Variants in BCAS3 observed in about 807,000 individuals in gnomAD.
The protein encoded by BCAS3 is BCAS3 microtubule associated cell migration factor.
BCAS3 carries 53 observed loss-of-function variants against 116.1 expected under a neutral mutation model. The ratio of observed to expected loss-of-function variants is 0.46; its 90% CI spans 0.37 to 0.57. The LOEUF (loss-of-function observed/expected upper bound fraction) is 0.57, where lower values mean the gene tolerates loss of function less well. Ranked by LOEUF, BCAS3 falls within the 20% of genes least tolerant of loss-of-function variation. The probability of loss-of-function intolerance (pLI) is 0.00; values close to 1 mark genes in which losing one functional copy is unlikely to be tolerated. For synonymous variants in BCAS3, 391 were observed against 408.2 expected, an observed-to-expected ratio of 0.96 and a Z score of 0.51; for missense variants, 917 against 1,165.4, an observed-to-expected ratio of 0.79 and a Z score of 3.10.
At chr17:60,948,298 G>A (rs113523025) in intron 14 of BCAS3, among the ~76,000 whole-genome samples, 2,145 of 151,746 alleles carry the variant, frequency 0.014, 51 homozygotes, top group African/African-American at 0.05. Context: ...TAGTAGAGAC[G>A]GTGTTTCACC....
chr17:61,067,193 A>C (rs996462153), intron 19 of BCAS3, among the ~76,000 whole-genome samples: 8 of 145,978 alleles, frequency 5.5e-5, no homozygotes, highest in Admixed American at 3.5e-4. Context: ...TGTGAATTTT[A>C]TTATATAGGA....
chr17:60,837,805 C>T (rs2051504431), intron 7 of BCAS3, among the ~76,000 whole-genome samples: 1 of 151,994 alleles, frequency 6.6e-6, no homozygotes, highest in Admixed American at 6.5e-5. Context: ...GTGCGTGCCA[C>T]CATGCTTGGC....
chr17:60,831,461 G>A (rs1213458759), intron 7 of BCAS3, among the ~76,000 whole-genome samples: 1 of 152,240 alleles, frequency 6.6e-6, no homozygotes, highest in African/African-American at 2.4e-5. Flanking sequence ...ACAGGCATGA[G>A]CCACTGCACC....
At chr17:60,955,069 G>A (rs1000522663) in intron 14 of BCAS3, among the ~76,000 whole-genome samples, 2 of 151,938 alleles carry the variant, frequency 1.3e-5, no homozygotes, top group African/African-American at 4.8e-5. Context: ...TTGACTGGTT[G>A]TCTACTTGTT....
At chr17:60,726,663 T>C (rs12936743) in intron 5 of BCAS3, among the ~76,000 whole-genome samples, 147,211 of 152,132 alleles carry the variant, frequency 0.97, 71,403 homozygotes, top group East Asian at 1. Context: ...ATGCCCGCCA[T>C]CACGCCAGGC....
chr17:61,242,711 T>G (rs1382653268), intron 22 of BCAS3, among the ~76,000 whole-genome samples: 1 of 152,212 alleles, frequency 6.6e-6, no homozygotes, highest in Non-Finnish European at 1.5e-5. Flanking sequence ...TTTGCTTACA[T>G]AAGTTTATTC....
At chr17:60,698,462 A>G (rs543246961) in intron 4 of BCAS3, among the ~76,000 whole-genome samples, 1 of 152,168 alleles carries the variant, frequency 6.6e-6, no homozygotes, top group South Asian at 2.1e-4. Context: ...TGGGCAACAC[A>G]GTGAAACTCT....
intron 21 of BCAS3, among the ~76,000 whole-genome samples, chr17:61,079,324 C>T (rs749263247): frequency 2.6e-5 from 4 of 152,186 alleles, no homozygotes; most frequent in Non-Finnish European, 4.4e-5. Flanking sequence ...AAAAATGTTC[C>T]AGTTACATAG....
chr17:61,387,747 C>T lies in BCAS3; in HGVS notation c.2594-4230C>T, dbSNP rs186450583. On this transcript the variant is annotated intron_variant, in intron 23 of 23. Coordinates refer to ENST00000407086, the MANE Select transcript of BCAS3 (RefSeq NM_017679.5). This position sits in a 1 kb window ranked among gnomAD's most constrained non-coding sequence, Gnocchi z 6.2. ...AGCTGCCAGCACCCTGTGGCCCGCA[C>T]CAGCACCCGTTCTTTCTTGGGGGAT... Among the ~76,000 whole-genome samples the T allele has an allele frequency of 1.7e-4, 26 of 152,316 alleles. No individual in the cohort carries two copies. In the East Asian group the frequency reaches 5.0e-3, roughly 29 times the overall value.
chr17:61,011,762 C>G (rs1404671832), intron 15 of BCAS3, among the ~76,000 whole-genome samples: 1 of 151,882 alleles, frequency 6.6e-6, no homozygotes, highest in Non-Finnish European at 1.5e-5. Flanking sequence ...CAAAGAAAAT[C>G]CAAGACAGTG....
At chr17:61,070,070 G>A in intron 19 of BCAS3, 1 of 1,586,700 alleles carries the variant, frequency 6.3e-7, no homozygotes, top group South Asian at 1.1e-5. Context: ...AGCGCTCCCA[G>A]GAGAAACAAG....
rs1309206984 is a variant in BCAS3, at chr17:61,315,480, TG to T, written c.2426-52845del. Among the ~76,000 whole-genome samples, 1 of 152,214 alleles carries T rather than the reference TG, an allele frequency of 6.6e-6. No homozygotes were observed. Among genetic ancestry groups the T allele is most frequent in the Non-Finnish European group, 1.5e-5 (1 of 68,034 alleles). On this transcript the variant is annotated intron_variant, in intron 22 of 23. Transcript: ENST00000407086. This position sits in a 1 kb window ranked among gnomAD's most constrained non-coding sequence, Gnocchi z 5.3. ...GAGCAGTCTCGGAGCGGACGCTAGC[TG>T]GCAGCGGTGCCATTGCTTTCGCCTC...
chr17:60,886,554 T>C (rs2144979580), intron 9 of BCAS3: 1 of 151,756 alleles, frequency 6.6e-6, no homozygotes, highest in Non-Finnish European at 1.5e-5. Context: ...TTCTGTTCTG[T>C]TTTTTCCCCA....
At chr17:61,191,433 G>C (rs2080105744) in intron 22 of BCAS3, among the ~76,000 whole-genome samples, 1 of 152,066 alleles carries the variant, frequency 6.6e-6, no homozygotes. Context: ...AAATTATATA[G>C]CAAAAGCTTG....
intron 14 of BCAS3, among the ~76,000 whole-genome samples, chr17:60,950,136 T>G (rs2060752930): frequency 6.6e-6 from 1 of 151,942 alleles, no homozygotes; most frequent in South Asian, 2.1e-4. Context: ...TTTATTATTA[T>G]TAGATATTAT....
At chr17:60,788,238 G>T (rs2046453277) in intron 6 of BCAS3, among the ~76,000 whole-genome samples, 1 of 152,122 alleles carries the variant, frequency 6.6e-6, no homozygotes, top group Non-Finnish European at 1.5e-5. Flanking sequence ...AAGGGTAACA[G>T]AAAAGAATTC....
chr17:60,707,313 A>C (rs2037289563), intron 4 of BCAS3, among the ~76,000 whole-genome samples: 1 of 151,470 alleles, frequency 6.6e-6, no homozygotes, highest in African/African-American at 2.4e-5. Context: ...TTTTTTGTAG[A>C]GATGGGGTTT....
At chr17:60,878,946 A>C (rs2055867550) in intron 9 of BCAS3, among the ~76,000 whole-genome samples, 1 of 152,250 alleles carries the variant, frequency 6.6e-6, no homozygotes, top group African/African-American at 2.4e-5. Flanking sequence ...ATAAGTAGAA[A>C]GAATCTTATT....
rs1408095014 is a variant in BCAS3 at position 61,111,490 on chromosome 17, C to T, written c.2425+26926C>T. Among the ~76,000 whole-genome samples the T allele has an allele frequency of 4.6e-5, 7 of 151,784 alleles. No homozygotes were observed. In the East Asian group the frequency reaches 6.0e-4, roughly 13 times the overall value. On this transcript the variant is annotated intron_variant, in intron 22 of 23. Coordinates refer to ENST00000407086, the MANE Select transcript of BCAS3 (RefSeq NM_017679.5). ...CAACTGGAAGAAAGGGTATCAGCGA[C>T]GGAAGATGAAATGAATGAAATGAAG...
Sources: gnomAD v4.1 joint callset for allele counts (sites outside exome capture counted in the v4.1 genomes callset) on GRCh38, gnomAD v4.1.1 for gene constraint, Gnocchi (gnomAD v3.1) non-coding constraint, MANE v1.5 for transcripts, NCBI Gene and HGNC (gene_info 2026-07-23, HGNC 2026-07-21) for gene names.